Variants in MSANTD2 observed in about 807,000 individuals in gnomAD.
MSANTD2 encodes the protein myb/SANT-like DNA-binding domain-containing protein 2.
MSANTD2 carries 19 observed loss-of-function variants against 52.6 expected under a neutral mutation model. That is an observed-to-expected ratio of 0.36 (90% CI 0.25 to 0.53). The LOEUF is 0.53. Among genes scored for constraint, MSANTD2 ranks in the 20% least tolerant of loss-of-function variants. The pLI, the probability that MSANTD2 is intolerant of heterozygous loss-of-function variation, is 0.91. For missense variants in MSANTD2, 558 were observed against 716.3 expected, an observed-to-expected ratio of 0.78 and a Z score of 2.52; for synonymous variants, 291 against 289.7, an observed-to-expected ratio of 1.00 and a Z score of -0.04.
At chr11:124,770,816 T>C (rs907293537) in intron 3 of MSANTD2, among the ~76,000 whole-genome samples, 4 of 145,710 alleles carry the variant, frequency 2.7e-5, no homozygotes, top group African/African-American at 1.0e-4. Flanking sequence ...GTCTTGCACC[T>C]GCGTGTCCTG....
At position 124,791,620 on chromosome 11, in the gene MSANTD2, G is replaced by A. The variant is rs919637540; in HGVS notation, c.510+8251C>T. ...CCGCTGCCCAATATCAGTGGGATCGGCAGCTTCCATCCTTCCAGACTTTCT... is the reference window on the plus strand; with the variant it reads ...CCGCTGCCCAATATCAGTGGGATCGACAGCTTCCATCCTTCCAGACTTTCT... On this transcript the variant is annotated intron_variant, in intron 1 of 3. Coordinates refer to ENST00000374979, the MANE Select transcript of MSANTD2 (RefSeq NM_001308027.2). 1.4e-5 allele frequency: 21 copies of A among 1,479,364 alleles called. No homozygotes were observed. In the Admixed American group the frequency reaches 3.2e-4, roughly 23 times the overall value. 91.6% of individuals were successfully genotyped at this position (1,479,364 alleles called of 1,614,324 possible).
Position 124,800,156 on chromosome 11 carries a change from G to A in MSANTD2, c.225C>T (p.Ala75=), listed in dbSNP as rs764365655. Reference sequence around the variant, plus strand: ...GGGAGAAGGAGACCGAGGACGAGGCGGCGCTGCGGCCCCCCAGCCCCAGCC... The same window carrying A: ...GGGAGAAGGAGACCGAGGACGAGGCAGCGCTGCGGCCCCCCAGCCCCAGCC... The part of the protein sequence containing the change: ...GLGLGLGGRS[A]ASSSVSFSPG... The change falls in exon 1 of 4, where the codon GCC becomes GCT. Residue 75 remains alanine, a synonymous_variant. Transcript: ENST00000374979. The surrounding 1 kb of genome is among the most constrained non-coding windows in gnomAD (Gnocchi z 4.3). The A allele has an allele frequency of 3.4e-6, 5 of 1,471,330 alleles. No homozygotes were observed. The South Asian group carries it at 5.3e-5, about 16-fold the overall frequency. The allele number at this position is 1,471,330 out of a possible 1,614,324, so 91.1% of individuals were successfully genotyped here. A position where few individuals can be genotyped will look rare whatever the true frequency, so the allele number is the denominator to read the frequency against.
At chr11:124,784,298 CAA>C (rs1945086740) in intron 1 of MSANTD2, 1 of 985,196 alleles carries the variant, frequency 1.0e-6, no homozygotes, top group African/African-American at 1.7e-5. Flanking sequence ...GGGACTACAT[CAA>C]AGAGGTATTC....
rs182508214 is a variant in MSANTD2 at position 124,777,358 on chromosome 11, G to A, written c.511-2384C>T. Among the ~76,000 whole-genome samples, 329 of 152,272 alleles carry A rather than the reference G, an allele frequency of 2.2e-3. 2 individuals are homozygous for A. The highest frequency in any genetic ancestry group is 0.018 in the Admixed American group (279 of 15,300). Reference sequence around the variant, plus strand: ...TGGCTCTGTTGCTGACGGTTATTTCGGAAGTCAGGGAATAAAACTAACATT... The same window carrying A: ...TGGCTCTGTTGCTGACGGTTATTTCAGAAGTCAGGGAATAAAACTAACATT... On this transcript the variant is annotated intron_variant, in intron 1 of 3. Coordinates refer to ENST00000374979, the MANE Select transcript of MSANTD2 (RefSeq NM_001308027.2).
rs1468838599 is a variant in MSANTD2, at chr11:124,766,966, T to G, written c.*210A>C. On this transcript the variant is annotated 3_prime_UTR_variant, in exon 4 of 4. Coordinates refer to ENST00000374979, the MANE Select transcript of MSANTD2 (RefSeq NM_001308027.2). ...ACCCACCATGCAAGTTCGCTATATA[T>G]CTTGCTTGCTCAAAATGAGCATTTT... 30 of 512,936 alleles carry G rather than the reference T, an allele frequency of 5.8e-5. No individual in the cohort carries two copies. The highest frequency in any genetic ancestry group is 9.5e-5 in the Non-Finnish European group (28 of 294,796). 31.8% of individuals were successfully genotyped at this position (512,936 alleles called of 1,614,324 possible).
intron 1 of MSANTD2, among the ~76,000 whole-genome samples, chr11:124,785,698 G>T (rs535272681): frequency 3.9e-5 from 6 of 152,080 alleles, no homozygotes; most frequent in African/African-American, 1.2e-4. Flanking sequence ...ACAGCTGGGG[G>T]GGGACTAGCG....
intron 1 of MSANTD2, among the ~76,000 whole-genome samples, chr11:124,788,023 A>T (rs1403228481): frequency 6.8e-6 from 1 of 147,876 alleles, no homozygotes; most frequent in Admixed American, 6.8e-5. Flanking sequence ...GAGCCTGGGG[A>T]GGTTGAGGTG....
chr11:124,795,931 C>T (rs1006201801), intron 1 of MSANTD2, among the ~76,000 whole-genome samples: 1 of 152,138 alleles, frequency 6.6e-6, no homozygotes, highest in Non-Finnish European at 1.5e-5. Flanking sequence ...AACAAAACTT[C>T]AAGATAAACA....
In MSANTD2 at chr11:124,789,163, C is replaced by T. The variant is rs138513676; in HGVS notation, c.510+10708G>A. On this transcript the variant is annotated intron_variant, in intron 1 of 3. Transcript: ENST00000374979. ...AGGTTGAAGTGCTTTTTGACCTATC[C>T]TATTCTTTCTAAATTATAAACCAGC... 378 of 152,216 alleles carry T rather than the reference C, an allele frequency of 2.5e-3. 3 individuals carry two copies. Among genetic ancestry groups the T allele is most frequent in the African/African-American group, 8.5e-3 (353 of 41,546 alleles). The allele number at this position is 152,216 out of a possible 1,614,324, so 9.4% of individuals were successfully genotyped here. A position where few individuals can be genotyped will look rare whatever the true frequency, so the allele number is the denominator to read the frequency against.
intron 2 of MSANTD2, 90 bp from the exon 3 acceptor site, chr11:124,773,144 C>A (rs1944602600): frequency 2.7e-6 from 2 of 727,484 alleles, no homozygotes; most frequent in South Asian, 1.6e-5. Flanking sequence ...CTGATCATTC[C>A]ATACTTTCCA....
intron 1 of MSANTD2, 75 bp downstream of exon 1, chr11:124,799,795 GC>G (rs2135282145): frequency 2.6e-6 from 3 of 1,138,166 alleles, no homozygotes; most frequent in South Asian, 1.5e-5. Flanking sequence ...CCTCAGACCG[GC>G]CCCCGCCCCC....
At chr11:124,791,214 A>T in intron 1 of MSANTD2, 1 of 1,297,766 alleles carries the variant, frequency 7.7e-7, no homozygotes, top group South Asian at 1.2e-5. Flanking sequence ...ACATTTGGAG[A>T]ATGCCATCAT....
At chr11:124,778,251 C>T (rs1316682834) in intron 1 of MSANTD2, among the ~76,000 whole-genome samples, 2 of 152,182 alleles carry the variant, frequency 1.3e-5, no homozygotes, top group Non-Finnish European at 2.9e-5. Context: ...ATGTCCTATT[C>T]AACACAAAAA....
intron 1 of MSANTD2, among the ~76,000 whole-genome samples, chr11:124,777,545 A>C (rs1262334795): frequency 6.6e-6 from 1 of 152,240 alleles, no homozygotes; most frequent in African/African-American, 2.4e-5. Flanking sequence ...GTAATTGTGA[A>C]TAAGGAAACT....
intron 1 of MSANTD2, among the ~76,000 whole-genome samples, chr11:124,788,376 T>C (rs1406598873): frequency 6.6e-6 from 1 of 152,232 alleles, no homozygotes; most frequent in Non-Finnish European, 1.5e-5. Context: ...CATCAAAATT[T>C]ACTGGAATTA....
chr11:124,772,444 G>A (rs150978645), intron 3 of MSANTD2, among the ~76,000 whole-genome samples: 1 of 152,274 alleles, frequency 6.6e-6, no homozygotes, highest in African/African-American at 2.4e-5. Flanking sequence ...ACGAAAGAAC[G>A]TATAGACATC....
In MSANTD2 at chr11:124,779,426, T is replaced by A. The variant is rs1944867596; in HGVS notation, c.511-4452A>T. On this transcript the variant is annotated intron_variant, in intron 1 of 3. Transcript: ENST00000374979. This position sits in a 1 kb window ranked among gnomAD's most constrained non-coding sequence, Gnocchi z 4.6. ...ACCAATTCCAGTATTGGCTTAATAATTTTCTCAAAGTTTGCCCCATTTCAT... is the reference window on the plus strand; with the variant it reads ...ACCAATTCCAGTATTGGCTTAATAAATTTCTCAAAGTTTGCCCCATTTCAT... Among the ~76,000 whole-genome samples the A allele has an allele frequency of 6.6e-6, 1 of 152,220 alleles. No individual in the cohort carries two copies. Among genetic ancestry groups the A allele is most frequent in the African/African-American group, 2.4e-5 (1 of 41,450 alleles).
chr11:124,769,767 G>A (rs1317013941), intron 3 of MSANTD2, among the ~76,000 whole-genome samples: 1 of 152,150 alleles, frequency 6.6e-6, no homozygotes, highest in Non-Finnish European at 1.5e-5. Flanking sequence ...CCCAAATCAC[G>A]TTATTTTTTT....
chr11:124,782,753 A>G (rs936749032), intron 1 of MSANTD2, among the ~76,000 whole-genome samples: 5 of 152,178 alleles, frequency 3.3e-5, no homozygotes, highest in Non-Finnish European at 7.3e-5. Flanking sequence ...CAAAATATAT[A>G]TTTATTCAAT....
Sources: gnomAD v4.1 joint callset for allele counts (sites outside exome capture counted in the v4.1 genomes callset) on GRCh38, gnomAD v4.1.1 for gene constraint, Gnocchi (gnomAD v3.1) non-coding constraint, MANE v1.5 for transcripts, NCBI Gene and HGNC (gene_info 2026-07-23, HGNC 2026-07-21) for gene names.